BANP: variants seen among roughly 807,000 people sequenced by gnomAD.
The protein encoded by BANP is protein BANP.
In BANP, 11 loss-of-function variants were observed where a neutral mutation model predicts 68.1. That is an observed-to-expected ratio of 0.16 (90% CI 0.10 to 0.27). BANP has a LOEUF of 0.27. BANP is among the 10% of genes least tolerant of loss of function. The pLI is 1.00. For missense variants in BANP, 504 were observed against 722.7 expected, an observed-to-expected ratio of 0.70 and a Z score of 3.47; for synonymous variants, 329 against 303.2, an observed-to-expected ratio of 1.09 and a Z score of -0.88.
chr16:88,054,618 G>A (rs1386911138), intron 11 of BANP, among the ~76,000 whole-genome samples: 2 of 151,240 alleles, frequency 1.3e-5, no homozygotes, highest in East Asian at 1.9e-4. Context: ...CACCGTCAAG[G>A]GGTCAAGTGA....
At chr16:88,037,636 T>C (rs1306165960) in intron 10 of BANP, 1 of 347,502 alleles carries the variant, frequency 2.9e-6, no homozygotes, top group Non-Finnish European at 5.4e-6. Context: ...GACACACACA[T>C]AGGACGTCTC....
intron 3 of BANP, among the ~76,000 whole-genome samples, chr16:87,982,312 G>A (rs1567654522): frequency 1.3e-5 from 2 of 152,194 alleles, no homozygotes; most frequent in Non-Finnish European, 2.9e-5. Context: ...AGTCGTGTGC[G>A]TGGCTCTAGG....
intron 11 of BANP, among the ~76,000 whole-genome samples, chr16:88,054,683 C>T (rs1223153133): frequency 2.0e-5 from 3 of 152,194 alleles, no homozygotes; most frequent in Non-Finnish European, 2.9e-5. Flanking sequence ...GGCCTCTCAC[C>T]CTCTTCCTGT....
Position 88,064,770 on chromosome 16 carries a change from G to T in BANP, c.1312-497G>T, listed in dbSNP as rs964401592. On this transcript the variant is annotated intron_variant, in intron 11 of 13. Coordinates refer to ENST00000682872, the MANE Select transcript of BANP (RefSeq NM_001386991.1). This position sits in a 1 kb window ranked among gnomAD's most constrained non-coding sequence, Gnocchi z 4.5. ...TGCGGTTGGGGGTGCTGCCGCTCTT[G>T]CCCGCAGGGCACTCCTCTGGCTGGG... Among the ~76,000 whole-genome samples, 1 of 152,224 alleles carries T rather than the reference G, an allele frequency of 6.6e-6. No individual in the cohort carries two copies. The highest frequency in any genetic ancestry group is 6.5e-5 in the Admixed American group (1 of 15,290).
At chr16:88,031,762 A>T (rs758459622) in intron 8 of BANP, among the ~76,000 whole-genome samples, 1 of 151,962 alleles carries the variant, frequency 6.6e-6, no homozygotes, top group East Asian at 1.9e-4. Context: ...TAAAAAATAC[A>T]TGGAAAGCTT....
intron 7 of BANP, among the ~76,000 whole-genome samples, chr16:88,027,137 A>G (rs960766882): frequency 1.3e-5 from 2 of 152,258 alleles, no homozygotes; most frequent in African/African-American, 4.8e-5. Flanking sequence ...AGCTCAGGGC[A>G]GAGGGAAGTT....
At chr16:88,001,725 T>C (rs1188218342) in intron 4 of BANP, among the ~76,000 whole-genome samples, 1 of 152,212 alleles carries the variant, frequency 6.6e-6, no homozygotes, top group Non-Finnish European at 1.5e-5. Context: ...ATTTTGAACG[T>C]CTCACCAATG....
rs771494472 is a variant in BANP, at chr16:88,006,231, G to A, written c.621G>A (p.Gly207=). Residue 207 remains glycine (G), a synonymous_variant, in exon 6 of 14, where the codon GGG becomes GGA. Coordinates refer to ENST00000682872, the MANE Select transcript of BANP (RefSeq NM_001386991.1). ...GGCAGGCGGGCAGTCAGAGCATCGGGAGCAACGTCACGCTCATCACCCTGA... is the reference window on the plus strand; with the variant it reads ...GGCAGGCGGGCAGTCAGAGCATCGGAAGCAACGTCACGCTCATCACCCTGA... ...SCGQAGSQSI[G]SNVTLITLNS... The A allele has an allele frequency of 1.9e-5, 30 of 1,612,006 alleles. No individual in the cohort carries two copies. In the Admixed American group the frequency reaches 5.0e-4, roughly 27 times the overall value.
intron 10 of BANP, 130 bp from the exon 11 acceptor site, chr16:88,037,843 A>G: frequency 1.2e-6 from 1 of 858,582 alleles, no homozygotes; most frequent in Non-Finnish European, 2.0e-6. Flanking sequence ...CTGGAGGTTG[A>G]ATTTTTGCAG....
chr16:87,956,343 G>A (rs1820249001), intron 1 of BANP, among the ~76,000 whole-genome samples: 1 of 152,168 alleles, frequency 6.6e-6, no homozygotes, highest in South Asian at 2.1e-4. Context: ...AGCTTTAGAA[G>A]GTCCTCCCTG....
intron 6 of BANP, among the ~76,000 whole-genome samples, chr16:88,013,473 G>C (rs556103268): frequency 2.7e-4 from 41 of 152,210 alleles, no homozygotes; most frequent in African/African-American, 9.1e-4. Context: ...TGTGAGGTGG[G>C]CCCGCCCCAT....
At chr16:87,965,446 A>G (rs1452297208) in intron 1 of BANP, among the ~76,000 whole-genome samples, 1 of 150,412 alleles carries the variant, frequency 6.6e-6, no homozygotes, top group Non-Finnish European at 1.5e-5. Flanking sequence ...AGGGTGTGCA[A>G]GGGTGATGCT....
intron 7 of BANP, among the ~76,000 whole-genome samples, chr16:88,024,723 CAG>C (rs2076653253): frequency 6.6e-6 from 1 of 152,258 alleles, no homozygotes; most frequent in Non-Finnish European, 1.5e-5. Context: ...TTGTGGCCGG[CAG>C]GGGGCATTCG....
At chr16:88,051,123 C>A (rs1248361383) in intron 11 of BANP, among the ~76,000 whole-genome samples, 1 of 152,250 alleles carries the variant, frequency 6.6e-6, no homozygotes, top group Non-Finnish European at 1.5e-5. Flanking sequence ...GACCGCAGCA[C>A]CCGGGTCCCT....
chr16:88,066,358 C>T (rs992640934), intron 12 of BANP, among the ~76,000 whole-genome samples: 3 of 152,178 alleles, frequency 2.0e-5, no homozygotes, highest in Middle Eastern at 3.2e-3. Context: ...GAGTGAAACT[C>T]GGGAGTTTGG....
intron 6 of BANP, among the ~76,000 whole-genome samples, chr16:88,009,029 G>A (rs1049507635): frequency 6.6e-6 from 1 of 152,234 alleles, no homozygotes; most frequent in Non-Finnish European, 1.5e-5. Context: ...TGGTGAAAAT[G>A]AGGAAGTCAC....
intron 12 of BANP, among the ~76,000 whole-genome samples, chr16:88,068,993 A>ACCCAG (rs929759068): frequency 4.1e-5 from 6 of 147,200 alleles, no homozygotes; most frequent in Non-Finnish European, 6.0e-5. Context: ...CTGCCCCTGC[A>ACCCAG]CCCAGCCCAG....
chr16:87,977,871 C>G (rs1472465589), intron 2 of BANP, among the ~76,000 whole-genome samples: 2 of 151,880 alleles, frequency 1.3e-5, no homozygotes, highest in African/African-American at 2.4e-5. Flanking sequence ...GAGGTTTGCT[C>G]TGTTGCCAGG....
chr16:88,039,809 G>A (rs2080293799), intron 11 of BANP, among the ~76,000 whole-genome samples: 2 of 149,852 alleles, frequency 1.3e-5, no homozygotes, highest in South Asian at 4.4e-4. Context: ...GGTGTCTCTG[G>A]TTCCTCCGTC....
Sources: allele counts gnomAD v4.1 joint callset (sites outside exome capture counted in the v4.1 genomes callset), GRCh38; gene constraint gnomAD v4.1.1; non-coding constraint Gnocchi (gnomAD v3.1); transcripts MANE v1.5; gene names NCBI Gene and HGNC (gene_info 2026-07-23, HGNC 2026-07-21).